Variants in PLGRKT observed in about 807,000 individuals in gnomAD.
PLGRKT encodes plasminogen receptor with a C-terminal lysine.
A neutral mutation model predicts 18.5 loss-of-function variants in PLGRKT; 22 were observed. The observed-to-expected ratio is 1.19, with a 90% CI of 0.85 to 1.70. The LOEUF (loss-of-function observed/expected upper bound fraction) is 1.70, where lower values mean the gene tolerates loss of function less well. Ranked by LOEUF, PLGRKT falls within the 40% of genes most tolerant of loss-of-function variation. The pLI is 0.00. For missense variants in PLGRKT, 235 were observed against 174.4 expected (o/e 1.35, Z -1.96); for synonymous variants, 72 against 52.8 (o/e 1.36, Z -1.58).
At position 5,398,026 on chromosome 9, in the gene PLGRKT, C is replaced by G. The variant is rs1331031218; in HGVS notation, c.81+33871G>C. Among the ~76,000 whole-genome samples, 15 of 151,906 alleles carry G rather than the reference C, an allele frequency of 9.9e-5. 1 individual carries two copies. The highest frequency in any genetic ancestry group is 3.9e-4 in the Admixed American group (6 of 15,280). ...CTTGGTGCCCACATCCGAATGGATG[C>G]ATAGAGCAAAGCCTGAACCACACTG... On this transcript the variant is annotated intron_variant, in intron 3 of 5. Coordinates refer to ENST00000223864, the MANE Select transcript of PLGRKT (RefSeq NM_018465.4).
intron 3 of PLGRKT, among the ~76,000 whole-genome samples, chr9:5,403,489 T>G (rs935477368): frequency 3.9e-5 from 6 of 152,164 alleles, no homozygotes; most frequent in African/African-American, 1.4e-4. Flanking sequence ...CCTCCCAAAG[T>G]GCTGGGATTA....
At chr9:5,434,336 C>T (rs1406191912) in intron 2 of PLGRKT, among the ~76,000 whole-genome samples, 19 of 144,830 alleles carry the variant, frequency 1.3e-4, no homozygotes, top group African/African-American at 4.2e-4. Flanking sequence ...CTGGCCACCC[C>T]GTCTGGGAGG....
chr9:5,411,005 G>T (rs1458656492), intron 3 of PLGRKT, among the ~76,000 whole-genome samples: 1 of 152,024 alleles, frequency 6.6e-6, no homozygotes, highest in African/African-American at 2.4e-5. Context: ...CTTACTCTCT[G>T]GTTATGTATA....
chr9:5,430,070 T>C (rs1818790508), intron 3 of PLGRKT, among the ~76,000 whole-genome samples: 1 of 152,214 alleles, frequency 6.6e-6, no homozygotes, highest in Non-Finnish European at 1.5e-5. Flanking sequence ...AGCACTCATT[T>C]CGCCCGTGCC....
At chr9:5,401,001 G>A (rs1474858141) in intron 3 of PLGRKT, among the ~76,000 whole-genome samples, 2 of 151,844 alleles carry the variant, frequency 1.3e-5, no homozygotes, top group African/African-American at 2.4e-5. Context: ...AGTTAGATAA[G>A]ATCTTAAGAT....
intron 3 of PLGRKT, among the ~76,000 whole-genome samples, chr9:5,401,655 T>C (rs527518112): frequency 4.6e-5 from 7 of 152,038 alleles, no homozygotes; most frequent in South Asian, 2.1e-4. Flanking sequence ...TTTTTTACTT[T>C]CGTTTGATGT....
At chr9:5,408,664 A>C (rs1818303519) in intron 3 of PLGRKT, among the ~76,000 whole-genome samples, 1 of 152,260 alleles carries the variant, frequency 6.6e-6, no homozygotes, top group Non-Finnish European at 1.5e-5. Context: ...CAATTTGCAT[A>C]AGTAAAGAGG....
At chr9:5,400,203 C>G (rs183406843) in intron 3 of PLGRKT, among the ~76,000 whole-genome samples, 1 of 151,806 alleles carries the variant, frequency 6.6e-6, no homozygotes, top group East Asian at 1.9e-4. Context: ...AACATATGAT[C>G]ACAGATAGAT....
chr9:5,398,496 G>C (rs1303775614), intron 3 of PLGRKT, among the ~76,000 whole-genome samples: 1 of 151,928 alleles, frequency 6.6e-6, no homozygotes, highest in African/African-American at 2.4e-5. Flanking sequence ...TTTGTAGCAA[G>C]TGCTTTGAAT....
intron 3 of PLGRKT, among the ~76,000 whole-genome samples, chr9:5,417,656 CT>C (rs199643819): frequency 4.2e-4 from 61 of 145,510 alleles, no homozygotes; most frequent in Admixed American, 6.8e-4. Flanking sequence ...GTAAAGTACT[CT>C]TTTTTTTTTT....
rs1203541958 is a variant in PLGRKT at position 5,361,739 on chromosome 9, T to A, written c.212+19A>T. 7 of 1,587,142 alleles carry A rather than the reference T, an allele frequency of 4.4e-6. No homozygotes were observed. The highest frequency in any genetic ancestry group is 6.0e-6 in the Non-Finnish European group (7 of 1,171,792). ...AAAAGAAGTAAATGACTGAAGAAAA[T>A]GTTAAATAGCAAACATACCCAGCTG... On this transcript the variant is annotated intron_variant, in intron 4 of 5. Coordinates refer to ENST00000223864, the MANE Select transcript of PLGRKT (RefSeq NM_018465.4).
intron 3 of PLGRKT, among the ~76,000 whole-genome samples, chr9:5,394,922 C>G (rs1302220936): frequency 6.6e-6 from 1 of 151,692 alleles, no homozygotes; most frequent in Non-Finnish European, 1.5e-5. Flanking sequence ...TCAGGGAAGG[C>G]AATGAGGGTG....
At chr9:5,393,528 C>T (rs1028840143) in intron 3 of PLGRKT, among the ~76,000 whole-genome samples, 3 of 151,746 alleles carry the variant, frequency 2.0e-5, no homozygotes, top group Non-Finnish European at 4.4e-5. Flanking sequence ...GGTCTCTCAA[C>T]ATTAGTCATT....
intron 3 of PLGRKT, among the ~76,000 whole-genome samples, chr9:5,408,057 G>T (rs1363391013): frequency 2.0e-5 from 3 of 152,056 alleles, no homozygotes; most frequent in Non-Finnish European, 4.4e-5. Flanking sequence ...TTTCTCTGAG[G>T]GAATAACTGG....
chr9:5,406,566 A>T (rs1324178929), intron 3 of PLGRKT, among the ~76,000 whole-genome samples: 4 of 140,620 alleles, frequency 2.8e-5, no homozygotes. Context: ...ATGAGAACAC[A>T]TGGAGACAGG....
rs549743666 is a variant in PLGRKT at position 5,363,739 on chromosome 9, T to C, written c.82-1851A>G. Among the ~76,000 whole-genome samples the C allele has an allele frequency of 4.1e-4, 63 of 152,254 alleles. 2 individuals are homozygous for C. In the South Asian group the frequency reaches 0.011, roughly 26 times the overall value. ...ATCACCTGGACCCAAGCCTAGGTCATACCAGGGAAAAGATGAACGGAGAAG... is the reference window on the plus strand; with the variant it reads ...ATCACCTGGACCCAAGCCTAGGTCACACCAGGGAAAAGATGAACGGAGAAG... On this transcript the variant is annotated intron_variant, in intron 3 of 5. Coordinates refer to ENST00000223864, the MANE Select transcript of PLGRKT (RefSeq NM_018465.4).
At chr9:5,397,398 G>A (rs911605660) in intron 3 of PLGRKT, among the ~76,000 whole-genome samples, 20 of 151,802 alleles carry the variant, frequency 1.3e-4, no homozygotes, top group African/African-American at 4.9e-4. Context: ...TTTACACTTT[G>A]TATTTCTTTA....
intron 3 of PLGRKT, among the ~76,000 whole-genome samples, chr9:5,375,582 A>G (rs1817612422): frequency 6.6e-6 from 1 of 152,230 alleles, no homozygotes; most frequent in Non-Finnish European, 1.5e-5. Context: ...CAGGGAAAAT[A>G]AAGGAAAATA....
chr9:5,433,231 T>A (rs1818869314), intron 2 of PLGRKT, among the ~76,000 whole-genome samples: 1 of 142,138 alleles, frequency 7.0e-6, no homozygotes, highest in African/African-American at 2.7e-5. Context: ...TGGCCGCCCA[T>A]CGTCTGGGAT....
Sources: allele counts gnomAD v4.1 joint callset (sites outside exome capture counted in the v4.1 genomes callset), GRCh38; gene constraint gnomAD v4.1.1; transcripts MANE v1.5; gene names NCBI Gene and HGNC (gene_info 2026-07-23, HGNC 2026-07-21).